REV3L: variants seen among roughly 807,000 people sequenced by gnomAD.
REV3L encodes REV3 like, DNA directed polymerase zeta catalytic subunit.
In REV3L, 69 loss-of-function variants were observed where a neutral mutation model predicts 299.4. The observed-to-expected ratio is 0.23, with a 90% CI of 0.19 to 0.28. The LOEUF is 0.28. REV3L is among the 10% of genes least tolerant of loss of function. The pLI, the probability that REV3L is intolerant of heterozygous loss-of-function variation, is 1.00. For synonymous variants in REV3L, 1,238 were observed against 1,271.4 expected (o/e 0.97, Z 0.56); for missense variants, 3,128 against 3,693.8 (o/e 0.85, Z 3.97).
At position 111,343,823 on chromosome 6, in the gene REV3L, A is replaced by C. The variant is rs1776769663; in HGVS notation, c.7538+102T>G. 4 of 785,560 alleles carry C rather than the reference A, an allele frequency of 5.1e-6. No individual in the cohort carries two copies. In the African/African-American group the frequency reaches 5.3e-5, roughly 11 times the overall value. 48.7% of individuals were successfully genotyped at this position (785,560 alleles called of 1,614,324 possible). A position where few individuals can be genotyped will look rare whatever the true frequency, so the allele number is the denominator to read the frequency against. ...AGGATTACAGGCGTAAGCCACCGCA[A>C]CTGGCCTGAACAATACACTTTAAAT... On this transcript the variant is annotated intron_variant, in intron 21 of 31. Coordinates refer to ENST00000368802, the MANE Select transcript of REV3L (RefSeq NM_001372078.1).
intron 14 of REV3L, among the ~76,000 whole-genome samples, chr6:111,366,379 A>G (rs1474226266): frequency 1.3e-5 from 2 of 152,210 alleles, no homozygotes; most frequent in African/African-American, 2.4e-5. Context: ...GTAATCCTGT[A>G]GACAGGAATT....
intron 10 of REV3L, among the ~76,000 whole-genome samples, chr6:111,380,839 G>A (rs1234988744): frequency 6.6e-6 from 1 of 152,242 alleles, no homozygotes; most frequent in Non-Finnish European, 1.5e-5. Flanking sequence ...CCTTGCCAGG[G>A]AAGGCTGGCA....
chr6:111,390,397 T>A (rs143580275), intron 5 of REV3L, among the ~76,000 whole-genome samples: 3 of 152,274 alleles, frequency 2.0e-5, no homozygotes, highest in Non-Finnish European at 4.4e-5. Context: ...CCCTAGATCC[T>A]TTTGAAGTAA....
At chr6:111,321,111 T>C (rs550675090) in intron 26 of REV3L, among the ~76,000 whole-genome samples, 23 of 142,126 alleles carry the variant, frequency 1.6e-4, no homozygotes, top group African/African-American at 6.9e-4. Flanking sequence ...TTATGGCTCT[T>C]TACTGACTAG....
intron 1 of REV3L, among the ~76,000 whole-genome samples, chr6:111,459,088 T>C (rs977360836): frequency 2.0e-4 from 30 of 151,948 alleles, no homozygotes; most frequent in South Asian, 8.3e-4. Context: ...AAGAGATACA[T>C]GGACCAATAA....
chr6:111,363,880 G>A lies in REV3L; in HGVS notation c.6852C>T (p.Asn2284=), dbSNP rs1778945939. 1.2e-6 allele frequency: 2 copies of A among 1,613,176 alleles called. No individual in the cohort carries two copies. The highest frequency in any genetic ancestry group is 1.7e-6 in the Non-Finnish European group (2 of 1,179,672). Residue 2284 remains asparagine, a synonymous_variant, in exon 16 of 32, where the codon AAC becomes AAT. Transcript: ENST00000368802. ...NTYGFKVSIQ[N]LQEAKALHEI... ...CATGTAAAGCTTTTGCCTCCTGTAA[G>A]TTTTGTATGCTGACTTTGAAACCGT... is the stretch of plus-strand genomic sequence containing the variant.
chr6:111,426,988 A>C (rs915903869), intron 1 of REV3L, among the ~76,000 whole-genome samples: 3 of 152,246 alleles, frequency 2.0e-5, no homozygotes, highest in Non-Finnish European at 4.4e-5. Flanking sequence ...ATTTAGCCAG[A>C]ATGGTCACAC....
chr6:111,358,815 A>G lies in REV3L; in HGVS notation c.7072+7T>C. Reference sequence around the variant, plus strand: ...GCAGGTATATCATTAATAAAAATGGACAATACCTTGACTGAAAACTGTCTT... The same window carrying G: ...GCAGGTATATCATTAATAAAAATGGGCAATACCTTGACTGAAAACTGTCTT... On this transcript the variant is annotated splice_region_variant and intron_variant, in intron 17 of 31. Transcript: ENST00000368802. 2 of 1,599,912 alleles carry G rather than the reference A, an allele frequency of 1.3e-6. No individual in the cohort carries two copies. Among genetic ancestry groups the G allele is most frequent in the Non-Finnish European group, 1.7e-6 (2 of 1,169,930 alleles).
rs372736461 is a variant in REV3L at position 111,465,085 on chromosome 6, GT to G, written c.139+17664del. ...GGGTAAAATAAAGTTATTTTTATTT[GT>G]TTTTTTTTTTTTTTTGAGATGGAGT... On this transcript the variant is annotated intron_variant, in intron 1 of 31. Transcript: ENST00000368802. Among the ~76,000 whole-genome samples the G allele has an allele frequency of 2.4e-3, 307 of 130,014 alleles. 1 individual carries two copies. Among genetic ancestry groups the G allele is most frequent in the African/African-American group, 5.9e-3 (212 of 35,760 alleles). The allele number at this position is 130,014 out of a possible 152,430, so 85.3% of individuals were successfully genotyped here.
intron 1 of REV3L, among the ~76,000 whole-genome samples, chr6:111,419,263 G>T (rs74385665): frequency 0.039 from 5,859 of 152,104 alleles, 210 homozygotes; most frequent in Admixed American, 0.096. Context: ...AGCACTAACA[G>T]CTCTAATATA....
intron 29 of REV3L, 65 bp downstream of exon 29, chr6:111,311,004 T>A: frequency 7.8e-7 from 1 of 1,284,826 alleles, no homozygotes; most frequent in East Asian, 2.5e-5. Flanking sequence ...GTCTTTTCAT[T>A]TGGGTCTTCT....
intron 16 of REV3L, among the ~76,000 whole-genome samples, chr6:111,359,508 A>G (rs1476715941): frequency 8.2e-6 from 1 of 122,542 alleles, no homozygotes. Context: ...ATTTTTAATT[A>G]TAGTTTTTCC....
chr6:111,411,837 GA>G, intron 2 of REV3L: 2 of 274,414 alleles, frequency 7.3e-6, no homozygotes, highest in Non-Finnish European at 1.1e-5. Flanking sequence ...GGACAAAAAG[GA>G]AGAACAAACC....
At chr6:111,391,129 G>A (rs1320366729) in intron 5 of REV3L, among the ~76,000 whole-genome samples, 5 of 150,248 alleles carry the variant, frequency 3.3e-5, no homozygotes, top group South Asian at 2.1e-4. Context: ...GCACTGGTGC[G>A]AACTCAGCTC....
At chr6:111,364,875 T>A (rs1779049246) in intron 15 of REV3L, among the ~76,000 whole-genome samples, 1 of 152,134 alleles carries the variant, frequency 6.6e-6, no homozygotes, top group East Asian at 1.9e-4. Context: ...ATCAATAAGG[T>A]TATATTTTAG....
At chr6:111,433,307 C>A (rs537641619) in intron 1 of REV3L, among the ~76,000 whole-genome samples, 12 of 151,450 alleles carry the variant, frequency 7.9e-5, no homozygotes, top group African/African-American at 2.9e-4. Flanking sequence ...TTTAGCTAGG[C>A]TGGAAAAAAG....
Position 111,367,813 on chromosome 6 carries a change from A to AT in REV3L, c.5974dup (p.Ile1992AsnfsTer33). 3 of 1,613,990 alleles carry AT rather than the reference A, an allele frequency of 1.9e-6. No homozygotes were observed. The highest frequency in any genetic ancestry group is 2.5e-6 in the Non-Finnish European group (3 of 1,179,962). On this transcript the variant is annotated frameshift_variant, in exon 14 of 32. Transcript: ENST00000368802. LOFTEE classifies it high-confidence loss of function. Reference sequence around the variant, plus strand: ...GGCACATTTGCAAGGCATAATCACAATTTTTTTATCTTCAACCATCTTAGG... The same window carrying AT: ...GGCACATTTGCAAGGCATAATCACAATTTTTTTTATCTTCAACCATCTTAGG...
intron 1 of REV3L, chr6:111,430,559 C>G: frequency 6.4e-7 from 1 of 1,569,442 alleles, no homozygotes; most frequent in Non-Finnish European, 8.7e-7. Context: ...AGAGCATAGA[C>G]TTCATGGCTG....
chr6:111,350,115 A>G lies in REV3L; in HGVS notation c.7301-779T>C, dbSNP rs557044324. 5.3e-5 allele frequency among the ~76,000 whole-genome samples: 8 copies of G among 152,358 alleles called. No individual in the cohort carries two copies. The South Asian group carries it at 1.0e-3, about 20-fold the overall frequency. ...TTACCAACATCATTTATTTTAATAC[A>G]AACATTACTTCCTTTATTTTAACAG... On this transcript the variant is annotated intron_variant, in intron 19 of 31. Transcript: ENST00000368802.
Sources: gnomAD v4.1 joint callset for allele counts (sites outside exome capture counted in the v4.1 genomes callset) on GRCh38, gnomAD v4.1.1 for gene constraint, MANE v1.5 for transcripts, NCBI Gene and HGNC (gene_info 2026-07-23, HGNC 2026-07-21) for gene names.